Variants in RABEP1 observed in about 807,000 individuals in gnomAD.
RABEP1 encodes rab GTPase-binding effector protein 1.
In RABEP1, 51 loss-of-function variants were observed where a neutral mutation model predicts 123.4. That is an observed-to-expected ratio of 0.41 (90% CI 0.33 to 0.52). The LOEUF (loss-of-function observed/expected upper bound fraction) is 0.52. RABEP1 is among the 20% of genes least tolerant of loss of function. The pLI is 0.16. For missense variants in RABEP1, 888 were observed against 996.3 expected (o/e 0.89, Z 1.46); for synonymous variants, 347 against 355.2 (o/e 0.98, Z 0.26).
chr17:5,297,921 G>A (rs1274377255), intron 1 of RABEP1, among the ~76,000 whole-genome samples: 1 of 152,202 alleles, frequency 6.6e-6, no homozygotes, highest in Non-Finnish European at 1.5e-5. Flanking sequence ...ATTTTCTGTA[G>A]CTTTAATCAA....
chr17:5,294,892 G>A (rs376984031), intron 1 of RABEP1, among the ~76,000 whole-genome samples: 30 of 150,764 alleles, frequency 2.0e-4, no homozygotes, highest in African/African-American at 6.8e-4. Flanking sequence ...GTGATCTGCC[G>A]GCCTCGGCCT....
At chr17:5,285,484 T>C (rs2074969107) in intron 1 of RABEP1, among the ~76,000 whole-genome samples, 1 of 152,106 alleles carries the variant, frequency 6.6e-6, no homozygotes, top group African/African-American at 2.4e-5. Flanking sequence ...TTCCTGATTG[T>C]TTCCTGTTAG....
chr17:5,310,902 T>A (rs1364505834), intron 2 of RABEP1, among the ~76,000 whole-genome samples: 1 of 151,154 alleles, frequency 6.6e-6, no homozygotes, highest in Non-Finnish European at 1.5e-5. Context: ...CTCCGCCTCC[T>A]GGGTTCAAGC....
chr17:5,309,624 G>T (rs879268257), intron 2 of RABEP1, among the ~76,000 whole-genome samples: 27 of 150,402 alleles, frequency 1.8e-4, no homozygotes, highest in Non-Finnish European at 3.2e-4. Flanking sequence ...TTGCACTCCA[G>T]CGTGGGCGAC....
rs746029458 is a variant in RABEP1 at position 5,332,135 on chromosome 17, T to C, written c.350T>C (p.Leu117Pro). ...KRQWREEVAS[L>P]QAVMKETVRD... The stretch of plus-strand genomic sequence containing the variant: ...CAGTGGAGAGAAGAAGTTGCTTCAC[T>C]TCAGGCTGTTATGAAAGGTAAAGAC... Residue 117 changes from leucine to proline, a missense_variant, in exon 3 of 18, where the codon CTT (leucine) becomes CCT (proline). By Grantham distance (98) the Leu-to-Pro change is moderately conservative (BLOSUM62 -3). Coordinates refer to ENST00000537505, the MANE Select transcript of RABEP1 (RefSeq NM_004703.6). The C allele has an allele frequency of 2.5e-6, 4 of 1,613,894 alleles. No individual in the cohort carries two copies. The African/African-American group carries it at 5.3e-5, about 22-fold the overall frequency.
chr17:5,366,707 A>G (rs1684758705), intron 11 of RABEP1, among the ~76,000 whole-genome samples: 1 of 151,762 alleles, frequency 6.6e-6, no homozygotes, highest in African/African-American at 2.4e-5. Flanking sequence ...CGGCCTCCCA[A>G]AGTGCTAGGT....
intron 2 of RABEP1, among the ~76,000 whole-genome samples, chr17:5,322,240 C>T (rs1905438695): frequency 6.6e-6 from 1 of 152,112 alleles, no homozygotes; most frequent in African/African-American, 2.4e-5. Flanking sequence ...TGCTTGTAGT[C>T]CCAGCTACTT....
chr17:5,373,433 C>T lies in RABEP1; in HGVS notation c.2004C>T (p.Phe668=). The T allele has an allele frequency of 6.2e-7, 1 of 1,612,176 alleles. No individual in the cohort carries two copies. Among genetic ancestry groups the T allele is most frequent in the Non-Finnish European group, 8.5e-7 (1 of 1,179,480 alleles). The change falls in exon 13 of 18, where the codon TTC becomes TTT. Residue 668 remains phenylalanine, a synonymous_variant. Coordinates refer to ENST00000537505, the MANE Select transcript of RABEP1 (RefSeq NM_004703.6). ...LHVSLQQAED[F]ILPDTTEALR... ...TGTCATTACAGCAAGCAGAAGACTT[C>T]ATCCTCCCAGACACTACAGAGGTAA...
chr17:5,316,564 G>A (rs2075298372), intron 2 of RABEP1, among the ~76,000 whole-genome samples: 1 of 151,316 alleles, frequency 6.6e-6, no homozygotes, highest in South Asian at 2.1e-4. Flanking sequence ...TGGGCACGGT[G>A]ACTCATGCCT....
At chr17:5,364,497 C>G (rs568077577) in intron 10 of RABEP1, 1 of 152,240 alleles carries the variant, frequency 6.6e-6, no homozygotes, top group South Asian at 2.1e-4. Flanking sequence ...TTTGGGAGGC[C>G]GAGGCGGGCC....
At chr17:5,377,080 T>C (rs777095893) in intron 13 of RABEP1, 36 bp from the exon 14 acceptor site, 19 of 1,548,920 alleles carry the variant, frequency 1.2e-5, no homozygotes, top group Non-Finnish European at 1.6e-5. Context: ...CCTTTCACTC[T>C]CACAAACCCA....
intron 7 of RABEP1, among the ~76,000 whole-genome samples, chr17:5,350,896 CTT>C (rs1479775946): frequency 6.6e-6 from 1 of 152,182 alleles, no homozygotes; most frequent in East Asian, 1.9e-4. Flanking sequence ...CGGAGAAAAT[CTT>C]TCTCTCCTGT....
chr17:5,296,760 TG>T (rs1346594844), intron 1 of RABEP1, among the ~76,000 whole-genome samples: 1 of 152,194 alleles, frequency 6.6e-6, no homozygotes, highest in Non-Finnish European at 1.5e-5. Context: ...TGTTTTTGGT[TG>T]GGGTGGGCAA....
At chr17:5,347,493 G>T (rs1250010944) in intron 6 of RABEP1, among the ~76,000 whole-genome samples, 1 of 152,158 alleles carries the variant, frequency 6.6e-6, no homozygotes, top group Non-Finnish European at 1.5e-5. Flanking sequence ...AGATAATAAA[G>T]CTGGGAATTT....
chr17:5,347,415 A>G (rs1043489850), intron 6 of RABEP1, among the ~76,000 whole-genome samples: 18 of 12,894 alleles, frequency 1.4e-3, no homozygotes, highest in African/African-American at 9.5e-3. Context: ...ATCTCAAAAC[A>G]AACAAACAAA....
At chr17:5,294,631 G>GTTTTTTTTTTTT (rs1355713572) in intron 1 of RABEP1, among the ~76,000 whole-genome samples, 2 of 50,124 alleles carry the variant, frequency 4.0e-5, no homozygotes, top group Non-Finnish European at 4.8e-5. Context: ...AAACGGTATT[G>GTTTTTTTTTTTT]TCTTTTTTTT....
intron 5 of RABEP1, among the ~76,000 whole-genome samples, chr17:5,342,281 G>A (rs1001125858): frequency 5.9e-5 from 9 of 152,046 alleles, no homozygotes; most frequent in African/African-American, 2.2e-4. Flanking sequence ...AATAAAGATG[G>A]GCAGGGTCCT....
At chr17:5,369,423 G>A (rs1910350783) in intron 12 of RABEP1, among the ~76,000 whole-genome samples, 2 of 152,124 alleles carry the variant, frequency 1.3e-5, no homozygotes, top group Admixed American at 1.3e-4. Context: ...GGGGATGACA[G>A]TTTAAAAATA....
intron 1 of RABEP1, among the ~76,000 whole-genome samples, chr17:5,293,207 A>C (rs572604885): frequency 6.6e-6 from 1 of 152,128 alleles, no homozygotes; most frequent in South Asian, 2.1e-4. Context: ...GAATCGCTTG[A>C]ATCTGGGAGG....
Sources: allele counts gnomAD v4.1 joint callset (sites outside exome capture counted in the v4.1 genomes callset), GRCh38; gene constraint gnomAD v4.1.1; transcripts MANE v1.5; gene names NCBI Gene and HGNC (gene_info 2026-07-23, HGNC 2026-07-21).